The following CHIC2 variants were observed in gnomAD, a reference collection of about 807,000 sequenced individuals.
The protein encoded by CHIC2 is cysteine rich hydrophobic domain 2, also known as cysteine-rich hydrophobic domain-containing protein 2.
CHIC2 carries 14 observed loss-of-function variants against 25.9 expected under a neutral mutation model. That is an observed-to-expected ratio of 0.54 (90% CI 0.36 to 0.85). The LOEUF (loss-of-function observed/expected upper bound fraction) is 0.85. Ranked by LOEUF, CHIC2 falls within the 40% of genes least tolerant of loss-of-function variation. The pLI is 0.01. For synonymous variants in CHIC2, 70 were observed against 72.0 expected (o/e 0.97, Z 0.14); for missense variants, 146 against 202.0 (o/e 0.72, Z 1.68).
At chr4:54,011,847 G>A (rs1199908144) in intron 5 of CHIC2, among the ~76,000 whole-genome samples, 1 of 151,474 alleles carries the variant, frequency 6.6e-6, no homozygotes, top group Non-Finnish European at 1.5e-5. Flanking sequence ...ATATTTTTTA[G>A]TATCTCCAAT....
chr4:54,076,339 C>T, the CHIC2 span, among the ~76,000 whole-genome samples: 1 of 151,972 alleles, frequency 6.6e-6, no homozygotes, highest in African/African-American at 2.4e-5. Flanking sequence ...ACTTACTCAG[C>T]TCAGATGGCC....
intron 3 of CHIC2, among the ~76,000 whole-genome samples, chr4:54,046,458 C>A (rs1047023376): frequency 7.2e-5 from 11 of 152,014 alleles, no homozygotes; most frequent in Non-Finnish European, 1.3e-4. Flanking sequence ...CAGATATAGA[C>A]CAATGGAACA....
At chr4:54,046,688 TA>T (rs1373610412) in intron 3 of CHIC2, among the ~76,000 whole-genome samples, 1 of 152,244 alleles carries the variant, frequency 6.6e-6, no homozygotes, top group African/African-American at 2.4e-5. Context: ...CCTAAAACCA[TA>T]AAAACCCTAG....
the CHIC2 span, among the ~76,000 whole-genome samples, chr4:54,075,197 TG>T: frequency 1.1e-4 from 16 of 152,300 alleles, no homozygotes; most frequent in South Asian, 2.1e-4. Context: ...TTGCTCTCAG[TG>T]ACATTAAGCA....
intron 3 of CHIC2, among the ~76,000 whole-genome samples, chr4:54,047,309 A>G (rs1166912721): frequency 6.6e-6 from 1 of 152,170 alleles, no homozygotes; most frequent in African/African-American, 2.4e-5. Context: ...GTATATACCC[A>G]AAGGATTATA....
the CHIC2 span, chr4:54,086,955 T>C: frequency 1.4e-6 from 1 of 719,184 alleles, no homozygotes; most frequent in South Asian, 1.5e-5. Flanking sequence ...GTTCTCAATC[T>C]CATGGACAAC....
intron 5 of CHIC2, among the ~76,000 whole-genome samples, chr4:54,010,768 C>T (rs1361964872): frequency 6.6e-6 from 1 of 152,096 alleles, no homozygotes; most frequent in Non-Finnish European, 1.5e-5. Context: ...TTAATCAACC[C>T]AACTACATGA....
intron 3 of CHIC2, among the ~76,000 whole-genome samples, chr4:54,020,064 A>T (rs980220663): frequency 6.6e-6 from 1 of 152,250 alleles, no homozygotes; most frequent in Non-Finnish European, 1.5e-5. Flanking sequence ...TACAAAAGAA[A>T]GAATCAGTGC....
chr4:54,086,361 A>T, the CHIC2 span, among the ~76,000 whole-genome samples: 1 of 152,068 alleles, frequency 6.6e-6, no homozygotes, highest in Non-Finnish European at 1.5e-5. Flanking sequence ...TTTCATCTCC[A>T]TCCCAACCTC....
At chr4:54,090,325 AC>A in the CHIC2 span, among the ~76,000 whole-genome samples, 3 of 152,086 alleles carry the variant, frequency 2.0e-5, no homozygotes, top group African/African-American at 7.2e-5. Flanking sequence ...AGCTGCGGCT[AC>A]AGGCGTGTAC....
the CHIC2 span, among the ~76,000 whole-genome samples, chr4:54,088,425 T>A: frequency 6.6e-6 from 1 of 152,282 alleles, no homozygotes; most frequent in Non-Finnish European, 1.5e-5. Flanking sequence ...TTAAATAAAA[T>A]TTGTTTCTAA....
chr4:54,070,138 G>T, the CHIC2 span, among the ~76,000 whole-genome samples: 1 of 152,294 alleles, frequency 6.6e-6, no homozygotes, highest in South Asian at 2.1e-4. Context: ...AGAGGAGAAA[G>T]CTCCAGACAG....
intron 3 of CHIC2, among the ~76,000 whole-genome samples, chr4:54,047,011 A>G (rs1412316108): frequency 6.6e-6 from 1 of 152,234 alleles, no homozygotes; most frequent in Non-Finnish European, 1.5e-5. Context: ...CACTTCTCAA[A>G]AGAAGACATT....
chr4:54,085,418 T>A, the CHIC2 span, among the ~76,000 whole-genome samples: 27 of 152,218 alleles, frequency 1.8e-4, no homozygotes, highest in Non-Finnish European at 8.8e-5. Flanking sequence ...ACTGTCTTGC[T>A]CAATCAATTT....
At chr4:54,052,153 C>A (rs2110087590) in intron 1 of CHIC2, among the ~76,000 whole-genome samples, 1 of 151,998 alleles carries the variant, frequency 6.6e-6, no homozygotes, top group Non-Finnish European at 1.5e-5. Flanking sequence ...CTAGACCAAC[C>A]AAAACAATAG....
chr4:54,054,713 A>G lies in CHIC2; in HGVS notation c.120-5408T>C, dbSNP rs373647123. 2.6e-4 allele frequency among the ~76,000 whole-genome samples: 39 copies of G among 152,318 alleles called. No homozygotes were observed. In the East Asian group the frequency reaches 5.6e-3, roughly 22 times the overall value. On this transcript the variant is annotated intron_variant, in intron 1 of 5. Transcript: ENST00000263921. ...TAATCCCTGGGCTGGGTAGCAGCACATGGAATGGCAAGGCCAAACAGTCCT... is the reference window on the plus strand; with the variant it reads ...TAATCCCTGGGCTGGGTAGCAGCACGTGGAATGGCAAGGCCAAACAGTCCT...
the CHIC2 span, among the ~76,000 whole-genome samples, chr4:54,088,913 C>T: frequency 1.3e-5 from 2 of 152,134 alleles, no homozygotes; most frequent in African/African-American, 2.4e-5. Flanking sequence ...ACAGAAGATT[C>T]AAAGGATTTG....
At chr4:54,023,394 C>T (rs1715962876) in intron 3 of CHIC2, among the ~76,000 whole-genome samples, 1 of 152,118 alleles carries the variant, frequency 6.6e-6, no homozygotes. Flanking sequence ...TATTTTCTTC[C>T]TCCCACCTGA....
intron 1 of CHIC2, among the ~76,000 whole-genome samples, chr4:54,057,223 A>G (rs941903587): frequency 6.6e-6 from 1 of 151,728 alleles, no homozygotes; most frequent in African/African-American, 2.4e-5. Context: ...CCTTTAATCT[A>G]GAGATCAACA....
Sources: allele counts gnomAD v4.1 joint callset (sites outside exome capture counted in the v4.1 genomes callset), GRCh38; gene constraint gnomAD v4.1.1; transcripts MANE v1.5; gene names NCBI Gene and HGNC (gene_info 2026-07-23, HGNC 2026-07-21).